The following SERGEF variants were observed in gnomAD, a reference collection of about 807,000 sequenced individuals.
SERGEF encodes secretion-regulating guanine nucleotide exchange factor.
A neutral mutation model predicts 50.0 loss-of-function variants in SERGEF; 51 were observed. The ratio of observed to expected loss-of-function variants is 1.02; its 90% CI spans 0.81 to 1.29. SERGEF has a LOEUF of 1.29. SERGEF is among the 50% of genes most tolerant of loss of function. SERGEF has a pLI of 0.00. For synonymous variants in SERGEF, 205 were observed against 212.4 expected, an observed-to-expected ratio of 0.97 and a Z score of 0.30; for missense variants, 521 against 557.0, an observed-to-expected ratio of 0.94 and a Z score of 0.65.
intron 9 of SERGEF, among the ~76,000 whole-genome samples, chr11:17,941,185 T>C (rs1379084206): frequency 7.9e-5 from 12 of 152,254 alleles, no homozygotes; most frequent in Admixed American, 4.6e-4. Flanking sequence ...TCACATATGC[T>C]GATGAGTCTT....
chr11:17,925,176 T>A (rs1236245678), intron 9 of SERGEF, among the ~76,000 whole-genome samples: 1 of 151,904 alleles, frequency 6.6e-6, no homozygotes, highest in Non-Finnish European at 1.5e-5. Flanking sequence ...TTGCTCTACA[T>A]GACTAGGCCA....
intron 9 of SERGEF, among the ~76,000 whole-genome samples, chr11:17,900,921 T>C (rs1480266082): frequency 2.6e-5 from 4 of 152,176 alleles, no homozygotes; most frequent in South Asian, 2.1e-4. Context: ...GGACCAGGAA[T>C]GGTGGCAGTC....
At chr11:17,997,715 T>C (rs1202421391) in intron 5 of SERGEF, among the ~76,000 whole-genome samples, 1 of 152,254 alleles carries the variant, frequency 6.6e-6, no homozygotes, top group Non-Finnish European at 1.5e-5. Flanking sequence ...TAAACGCCGA[T>C]ATATCCTACT....
intron 9 of SERGEF, among the ~76,000 whole-genome samples, chr11:17,913,204 G>A (rs1241770734): frequency 6.6e-6 from 1 of 152,218 alleles, no homozygotes; most frequent in Non-Finnish European, 1.5e-5. Flanking sequence ...GCATAAGCCT[G>A]TATCAGCAAT....
At chr11:17,860,558 G>A (rs1850908363) in intron 10 of SERGEF, among the ~76,000 whole-genome samples, 1 of 152,196 alleles carries the variant, frequency 6.6e-6, no homozygotes, top group Middle Eastern at 3.2e-3. Flanking sequence ...TTGGACAAAA[G>A]AGTGGGAAAA....
At chr11:17,900,476 C>A (rs189645496) in intron 9 of SERGEF, among the ~76,000 whole-genome samples, 86 of 152,280 alleles carry the variant, frequency 5.6e-4, no homozygotes, top group African/African-American at 1.9e-3. Flanking sequence ...CTTATAGCAG[C>A]TAAAAGTCAT....
chr11:17,921,356 C>T (rs1192017575), intron 9 of SERGEF, among the ~76,000 whole-genome samples: 1 of 152,172 alleles, frequency 6.6e-6, no homozygotes, highest in African/African-American at 2.4e-5. Context: ...CTTTGTATAA[C>T]CTCTAATATT....
At chr11:18,002,879 G>T (rs1317766901) in intron 4 of SERGEF, among the ~76,000 whole-genome samples, 1 of 152,166 alleles carries the variant, frequency 6.6e-6, no homozygotes, top group Non-Finnish European at 1.5e-5. Flanking sequence ...TTGTTGCATA[G>T]AATGTCACCT....
At chr11:17,874,045 T>C (rs1310759390) in intron 10 of SERGEF, among the ~76,000 whole-genome samples, 1 of 152,206 alleles carries the variant, frequency 6.6e-6, no homozygotes, top group Non-Finnish European at 1.5e-5. Flanking sequence ...GATGGCCACA[T>C]GCCCTCAGTT....
In SERGEF at chr11:17,888,648, CACACACACACA is replaced by C. The variant is rs1851476252; in HGVS notation, c.1012-10415_1012-10405del. Among the ~76,000 whole-genome samples the C allele has an allele frequency of 7.9e-6, 1 of 127,114 alleles. No individual in the cohort carries two copies. The highest frequency in any genetic ancestry group is 3.1e-5 in the African/African-American group (1 of 32,448). The allele number at this position is 127,114 out of a possible 152,430, so 83.4% of individuals were successfully genotyped here. A position where few individuals can be genotyped will look rare whatever the true frequency, so the allele number is the denominator to read the frequency against. On this transcript the variant is annotated intron_variant, in intron 9 of 10. Coordinates refer to ENST00000265965, the MANE Select transcript of SERGEF (RefSeq NM_012139.4). This position sits in a 1 kb window ranked among gnomAD's most constrained non-coding sequence, Gnocchi z 4.1. ...AGTTTTACACACACACACACACACA[CACACACACACA>C]CACACACACACACACACACGCATTG...
At chr11:17,840,150 T>C (rs778524387) in intron 10 of SERGEF, among the ~76,000 whole-genome samples, 2 of 152,184 alleles carry the variant, frequency 1.3e-5, no homozygotes, top group Non-Finnish European at 2.9e-5. Context: ...AGTTCTTTGT[T>C]CCACTGACAT....
chr11:17,996,097 T>C (rs1200007254), intron 5 of SERGEF, among the ~76,000 whole-genome samples, 188 bp from the exon 6 acceptor site: 1 of 152,170 alleles, frequency 6.6e-6, no homozygotes, highest in Admixed American at 6.5e-5. Context: ...CAATCACAAA[T>C]CCAGTCTTCA....
intron 9 of SERGEF, among the ~76,000 whole-genome samples, chr11:17,958,090 A>AAG (rs1189406127): frequency 6.6e-6 from 1 of 152,198 alleles, no homozygotes; most frequent in Non-Finnish European, 1.5e-5. Context: ...ACCCAAGAGA[A>AAG]AGAGAGAGAA....
At chr11:17,799,272 C>T (rs780439907) in intron 10 of SERGEF, among the ~76,000 whole-genome samples, 11 of 152,134 alleles carry the variant, frequency 7.2e-5, no homozygotes, top group African/African-American at 2.4e-5. Context: ...TAGCCTGAGG[C>T]CACATTCGCT....
At chr11:17,929,393 C>T (rs548076962) in intron 9 of SERGEF, among the ~76,000 whole-genome samples, 2 of 152,272 alleles carry the variant, frequency 1.3e-5, no homozygotes, top group South Asian at 2.1e-4. Flanking sequence ...GAAGACACCC[C>T]ATGGCTGTGA....
At chr11:17,989,202 C>T (rs1853659616) in intron 7 of SERGEF, among the ~76,000 whole-genome samples, 1 of 152,182 alleles carries the variant, frequency 6.6e-6, no homozygotes, top group African/African-American at 2.4e-5. Context: ...TATTTCACTG[C>T]ATGCCCTGTC....
intron 8 of SERGEF, among the ~76,000 whole-genome samples, chr11:17,960,154 T>C (rs1317217014): frequency 1.3e-5 from 2 of 152,140 alleles, no homozygotes; most frequent in Admixed American, 6.5e-5. Flanking sequence ...TAAAGGGACC[T>C]TTCAGAATCT....
chr11:17,867,946 G>C (rs2133889063), intron 10 of SERGEF, among the ~76,000 whole-genome samples: 1 of 152,266 alleles, frequency 6.6e-6, no homozygotes, highest in South Asian at 2.1e-4. Flanking sequence ...CATACAGTAG[G>C]GGCACCCTGG....
intron 10 of SERGEF, among the ~76,000 whole-genome samples, chr11:17,824,598 A>G (rs550510077): frequency 6.6e-6 from 1 of 152,214 alleles, no homozygotes; most frequent in Non-Finnish European, 1.5e-5. Flanking sequence ...TCACAGTTCT[A>G]GAAGCTAGAC....
Sources: allele counts gnomAD v4.1 joint callset (sites outside exome capture counted in the v4.1 genomes callset), GRCh38; gene constraint gnomAD v4.1.1; non-coding constraint Gnocchi (gnomAD v3.1); transcripts MANE v1.5; gene names NCBI Gene and HGNC (gene_info 2026-07-23, HGNC 2026-07-21).